NRG1: variants seen among roughly 807,000 people sequenced by gnomAD.
The protein encoded by NRG1 is neuregulin 1, also known as pro-neuregulin-1, membrane-bound isoform.
A neutral mutation model predicts 63.8 loss-of-function variants in NRG1; 18 were observed. That is an observed-to-expected ratio of 0.28 (90% CI 0.19 to 0.42). The LOEUF (loss-of-function observed/expected upper bound fraction) is 0.42. Among genes scored for constraint, NRG1 ranks in the 10% least tolerant of loss-of-function variants. NRG1 has a pLI of 1.00. For missense variants in NRG1, 762 were observed against 814.7 expected (o/e 0.94, Z 0.79); for synonymous variants, 302 against 301.3 (o/e 1.00, Z -0.02).
chr8:31,812,575 C>T (rs1376731554), intron 1 of NRG1, among the ~76,000 whole-genome samples: 1 of 151,558 alleles, frequency 6.6e-6, no homozygotes, highest in African/African-American at 2.4e-5. Flanking sequence ...TTCCCTTCCT[C>T]CTCCCCTTCC....
chr8:32,708,750 C>G (rs950544902), intron 5 of NRG1, among the ~76,000 whole-genome samples: 10 of 152,186 alleles, frequency 6.6e-5, no homozygotes, highest in African/African-American at 2.4e-4. Flanking sequence ...CTCGGTTTCT[C>G]TCTTTTAAGA....
chr8:31,797,269 G>T (rs1314552697), intron 1 of NRG1, among the ~76,000 whole-genome samples: 3 of 152,162 alleles, frequency 2.0e-5, no homozygotes, highest in African/African-American at 7.2e-5. Flanking sequence ...TCCTTTCCTA[G>T]AGATACTTAC....
chr8:32,127,969 C>T (rs143739666), intron 1 of NRG1, among the ~76,000 whole-genome samples: 1 of 151,986 alleles, frequency 6.6e-6, no homozygotes, highest in East Asian at 1.9e-4. Context: ...CTCCTCTTCT[C>T]CTCCCCCAGC....
intron 1 of NRG1, among the ~76,000 whole-genome samples, chr8:32,360,031 A>C (rs1319971512): frequency 6.6e-6 from 1 of 152,198 alleles, no homozygotes; most frequent in Non-Finnish European, 1.5e-5. Context: ...CCAGGAGACT[A>C]AGTTCCGTGG....
At chr8:32,181,829 A>G (rs944767468) in intron 1 of NRG1, among the ~76,000 whole-genome samples, 1 of 152,140 alleles carries the variant, frequency 6.6e-6, no homozygotes, top group African/African-American at 2.4e-5. Flanking sequence ...AAGTATTTCT[A>G]TTTATAACTG....
chr8:32,186,473 A>G (rs996034441), intron 1 of NRG1, among the ~76,000 whole-genome samples: 24 of 151,836 alleles, frequency 1.6e-4, no homozygotes, highest in Admixed American at 9.2e-4. Flanking sequence ...AAAAAAAAAA[A>G]AAAGAAAAAA....
At chr8:31,979,498 T>C (rs1808736133) in intron 1 of NRG1, among the ~76,000 whole-genome samples, 1 of 152,126 alleles carries the variant, frequency 6.6e-6, no homozygotes, top group Non-Finnish European at 1.5e-5. Context: ...AAAATCTTAT[T>C]AGGTTACCTT....
intron 1 of NRG1, among the ~76,000 whole-genome samples, chr8:32,049,179 C>T (rs1015293745): frequency 2.7e-4 from 41 of 152,242 alleles, no homozygotes; most frequent in African/African-American, 9.9e-4. Flanking sequence ...ATAAAAGCCT[C>T]TCCAAAGCTA....
At chr8:32,171,197 A>T (rs1044990633) in intron 1 of NRG1, among the ~76,000 whole-genome samples, 1 of 152,150 alleles carries the variant, frequency 6.6e-6, no homozygotes, top group Non-Finnish European at 1.5e-5. Flanking sequence ...TTATAACACT[A>T]TTTTTTAAAT....
At chr8:32,713,932 C>T (rs181853551) in intron 5 of NRG1, among the ~76,000 whole-genome samples, 1 of 151,716 alleles carries the variant, frequency 6.6e-6, no homozygotes, top group South Asian at 2.1e-4. Flanking sequence ...TCAAGCAATT[C>T]TCCTGCCTCA....
At chr8:31,835,734 C>T (rs1464305293) in intron 1 of NRG1, among the ~76,000 whole-genome samples, 1 of 152,136 alleles carries the variant, frequency 6.6e-6, no homozygotes, top group Non-Finnish European at 1.5e-5. Context: ...AGGGAGAGGA[C>T]AGATGTCCTT....
At chr8:31,855,093 T>C (rs1382583594) in intron 1 of NRG1, among the ~76,000 whole-genome samples, 1 of 152,048 alleles carries the variant, frequency 6.6e-6, no homozygotes, top group Non-Finnish European at 1.5e-5. Context: ...ATTCTGTTGA[T>C]TTGGGGTGGA....
chr8:32,345,221 T>C (rs1292286528), intron 1 of NRG1, among the ~76,000 whole-genome samples: 1 of 152,210 alleles, frequency 6.6e-6, no homozygotes, highest in Non-Finnish European at 1.5e-5. Flanking sequence ...GCTCTTCCAT[T>C]GTGCAAGCAC....
chr8:32,694,230 C>T (rs1472629643), intron 5 of NRG1, among the ~76,000 whole-genome samples: 1 of 152,212 alleles, frequency 6.6e-6, no homozygotes, highest in East Asian at 1.9e-4. Context: ...GTATCCAACA[C>T]TTGTTAGTAT....
At chr8:31,652,762 A>G (rs1585414381) in intron 1 of NRG1, among the ~76,000 whole-genome samples, 1 of 152,332 alleles carries the variant, frequency 6.6e-6, no homozygotes, top group East Asian at 1.9e-4. Context: ...GTAGGAGAAA[A>G]TATGATGACT....
chr8:32,686,104 C>CT (rs1302260473), intron 5 of NRG1, among the ~76,000 whole-genome samples: 3 of 152,186 alleles, frequency 2.0e-5, no homozygotes, highest in African/African-American at 7.2e-5. Flanking sequence ...GTGGTCTAGT[C>CT]TAAGTTATTA....
At chr8:32,452,844 C>T (rs188808972) in intron 1 of NRG1, among the ~76,000 whole-genome samples, 1 of 152,056 alleles carries the variant, frequency 6.6e-6, no homozygotes, top group African/African-American at 2.4e-5. Flanking sequence ...TATTTAAATA[C>T]CTTTTAGCTA....
intron 1 of NRG1, among the ~76,000 whole-genome samples, chr8:32,414,669 A>G (rs1310525675): frequency 3.9e-5 from 6 of 152,194 alleles, no homozygotes; most frequent in Non-Finnish European, 7.4e-5. Flanking sequence ...TCCCTGTAGC[A>G]GGAGAGTAGT....
chr8:32,739,143 G>A (rs530432763), intron 6 of NRG1, among the ~76,000 whole-genome samples: 4 of 152,192 alleles, frequency 2.6e-5, no homozygotes, highest in Admixed American at 6.5e-5. Context: ...GCAAAATAGC[G>A]TGTCCATGTG....
Sources: gnomAD v4.1 joint callset for allele counts (sites outside exome capture counted in the v4.1 genomes callset) on GRCh38, gnomAD v4.1.1 for gene constraint, MANE v1.5 for transcripts, NCBI Gene and HGNC (gene_info 2026-07-23, HGNC 2026-07-21) for gene names.